The following AHNAK2 variants were observed in gnomAD, a reference collection of about 807,000 sequenced individuals.
AHNAK2 encodes protein AHNAK2.
In AHNAK2, 18 loss-of-function variants were observed where a neutral mutation model predicts 30.7. The ratio of observed to expected loss-of-function variants is 0.59; its 90% CI spans 0.41 to 0.87. The LOEUF is 0.87. Ranked by LOEUF, AHNAK2 falls within the 40% of genes least tolerant of loss-of-function variation. AHNAK2 has a pLI of 0.00. For synonymous variants in AHNAK2, 3,590 were observed against 3,073.8 expected (o/e 1.17, Z -5.56); for missense variants, 8,604 against 7,373.0 (o/e 1.17, Z -6.11).
Position 104,947,759 on chromosome 14 carries a change from C to T in AHNAK2, c.7692G>A (p.Gly2564=), listed in dbSNP as rs565574749. 5.8e-5 allele frequency: 94 copies of T among 1,612,656 alleles called. No individual in the cohort carries two copies. The African/African-American group carries it at 6.7e-4, about 12-fold the overall frequency. Residue 2564 remains glycine, a synonymous_variant, in exon 7 of 7, where the codon GGG becomes GGA. Coordinates refer to ENST00000333244, the MANE Select transcript of AHNAK2 (RefSeq NM_138420.4). ...GPVPEGAGLK[G]HLPKVQMPSF... is the part of the protein sequence containing the mutation. Reference sequence around the variant, plus strand: ...TGGGCATCTGCACCTTGGGCAGGTGCCCTTTGAGGCCGGCTCCCTCCGGCA... The same window carrying T: ...TGGGCATCTGCACCTTGGGCAGGTGTCCTTTGAGGCCGGCTCCCTCCGGCA...
In AHNAK2 at chr14:104,937,985, G is replaced by T. The variant is rs1897855734; in HGVS notation, c.*78C>A. On this transcript the variant is annotated 3_prime_UTR_variant, in exon 7 of 7. Transcript: ENST00000333244. ...GTGGATGTAATGTGCTGTGGGATGG[G>T]GTGCTCCATATGTGTGTGTAGCCTT... 3 of 1,447,034 alleles carry T rather than the reference G, an allele frequency of 2.1e-6. No individual in the cohort carries two copies. Among genetic ancestry groups the T allele is most frequent in the Non-Finnish European group, 2.8e-6 (3 of 1,063,208 alleles). The allele number at this position is 1,447,034 out of a possible 1,614,324, so 89.6% of individuals were successfully genotyped here. A position where few individuals can be genotyped will look rare whatever the true frequency, so the allele number is the denominator to read the frequency against.
rs2819426 is a variant in AHNAK2 at position 104,945,922 on chromosome 14, G to C, written c.9529C>G (p.Leu3177Val). Residue 3177 changes from leucine (L) to valine (V), a missense_variant, in exon 7 of 7, where the codon CTG becomes GTG. Leu to Val is a conservative substitution (Grantham distance 32, BLOSUM62 1). Coordinates refer to ENST00000333244, the MANE Select transcript of AHNAK2 (RefSeq NM_138420.4). ...TCCCCCTGCATGGAGGGGAGGCTCA[G>C]GTCGGCCTCCACCTTTGGCGCAGAC... ...DVSAPKVEAD[L>V]SLPSMQGDLK... 0.15 allele frequency: 190,956 copies of C among 1,243,774 alleles called. 65,068 individuals carry two copies. Among genetic ancestry groups the C allele is most frequent in the African/African-American group, 0.63 (43,902 of 69,546 alleles). The allele number at this position is 1,243,774 out of a possible 1,614,324, so 77.0% of individuals were successfully genotyped here.
At position 104,978,191 on chromosome 14, in the gene AHNAK2, G is replaced by A; in HGVS notation, c.47C>T (p.Pro16Leu). 2 of 1,215,380 alleles carry A rather than the reference G, an allele frequency of 1.6e-6. No individual in the cohort carries two copies. The highest frequency in any genetic ancestry group is 2.0e-6 in the Non-Finnish European group (2 of 976,672). The allele number at this position is 1,215,380 out of a possible 1,614,324, so 75.3% of individuals were successfully genotyped here. The change falls in exon 1 of 7, where the codon CCC becomes CTC. Residue 16 changes from proline (P) to leucine (L), a missense_variant. By Grantham distance (98) the Pro-to-Leu change is moderately conservative. Transcript: ENST00000333244. ...HMVLPTWPGT[P>L]GSVSGRQLQP... ...GGCGGGGAGGGGCGCACCGCTGCCG[G>A]GGGTTCCGGGCCAGGTGGGCAGCAC... is the stretch of plus-strand genomic sequence containing the variant.
intron 1 of AHNAK2, among the ~76,000 whole-genome samples, chr14:104,967,018 G>A (rs879321982): frequency 1.3e-5 from 2 of 152,196 alleles, no homozygotes; most frequent in Admixed American, 6.5e-5. Context: ...AGGGCTGGGG[G>A]CAGAGGAGGG....
At chr14:104,955,205 C>T in intron 5 of AHNAK2, 64 bp from the exon 6 acceptor site, 1 of 1,530,770 alleles carries the variant, frequency 6.5e-7, no homozygotes, top group East Asian at 2.3e-5. Context: ...GCTGTCTTGC[C>T]TTGGCTGGCG....
At position 104,953,773 on chromosome 14, in the gene AHNAK2, G is replaced by T; in HGVS notation, c.1678C>A (p.Leu560Ile). ...QGDEGDGEEG[L>I]QRTRITEEQD... ...TCCTCAGTGATCCTTGTCCTCTGTA[G>T]TCCTTCCTCTCCATCTCCTTCATCC... is the stretch of plus-strand genomic sequence containing the variant. The change falls in exon 7 of 7, where the codon CTA becomes ATA. Residue 560 changes from leucine (L) to isoleucine (I), a missense_variant. Physicochemically the swap from Leu to Ile is conservative, Grantham distance 5. Transcript: ENST00000333244. 1 of 1,613,830 alleles carries T rather than the reference G, an allele frequency of 6.2e-7. No homozygotes were observed. The highest frequency in any genetic ancestry group is 1.1e-5 in the South Asian group (1 of 91,064).
At position 104,947,567 on chromosome 14, in the gene AHNAK2, C is replaced by A. The variant is rs183423977; in HGVS notation, c.7884G>T (p.Ala2628=). The change falls in exon 7 of 7, where the codon GCG becomes GCT. Residue 2628 remains alanine, a synonymous_variant. Transcript: ENST00000333244. ...VQAPRAKLDG[A]RLEGDLSLAD... ...CCAGGGACAGGTCCCCCTCCAGCCG[C>A]GCACCATCCAGCTTTGCTCTCGGGG... 1.5e-5 allele frequency: 24 copies of A among 1,612,872 alleles called. No homozygotes were observed. The highest frequency in any genetic ancestry group is 1.7e-4 in the Middle Eastern group (1 of 6,054).
chr14:104,955,691 C>G, intron 4 of AHNAK2, 58 bp from the exon 5 acceptor site: 2 of 1,581,556 alleles, frequency 1.3e-6, no homozygotes, highest in South Asian at 2.3e-5. Context: ...CCATAAGCAT[C>G]CCTGCTGGGG....
intron 1 of AHNAK2, among the ~76,000 whole-genome samples, chr14:104,961,443 G>A (rs185730426): frequency 0.099 from 15,057 of 151,466 alleles, 1,022 homozygotes; most frequent in Non-Finnish European, 0.15. Flanking sequence ...GAACCCCGGG[G>A]GGCGGAGCCT....
chr14:104,952,423 C>T lies in AHNAK2; in HGVS notation c.3028G>A (p.Val1010Ile), dbSNP rs1898786102. Residue 1010 changes from valine to isoleucine, a missense_variant, in exon 7 of 7, where the codon GTA (valine) becomes ATA (isoleucine). Transcript: ENST00000333244. ...TTGATGGACTTCCCTGGGGCCGATACCCCGAACGACGGCATCTTGAACTTG... is the reference window on the plus strand; with the variant it reads ...TTGATGGACTTCCCTGGGGCCGATATCCCGAACGACGGCATCTTGAACTTG... ...MPKFKMPSFG[V>I]SAPGKSIKAL... 6.2e-7 allele frequency: 1 copy of T among 1,612,732 alleles called. No homozygotes were observed. The highest frequency in any genetic ancestry group is 1.3e-5 in the African/African-American group (1 of 74,410).
At position 104,938,465 on chromosome 14, in the gene AHNAK2, A is replaced by G. The variant is rs773263664; in HGVS notation, c.16986T>C (p.Gly5662=). The change falls in exon 7 of 7, where the codon GGT becomes GGC. Residue 5662 remains glycine (G), a synonymous_variant. Transcript: ENST00000333244. ...IGFSSSVDET[G]VDSKNDVQRS... ...TCTGGACGTCATTTTTGGAATCAAC[A>G]CCTGTCTCATCAACAGAAGAGGAAA... The G allele has an allele frequency of 1.2e-6, 2 of 1,613,768 alleles. No homozygotes were observed. Among genetic ancestry groups the G allele is most frequent in the African/African-American group, 1.3e-5 (1 of 74,992 alleles).
rs201806970 is a variant in AHNAK2, at chr14:104,944,810, G to A, written c.10641C>T (p.Pro3547=). 4.1e-4 allele frequency: 668 copies of A among 1,612,762 alleles called. 7 individuals are homozygous for A. The African/African-American group carries it at 7.1e-3, about 17-fold the overall frequency. The change falls in exon 7 of 7, where the codon CCC becomes CCT. Residue 3547 remains proline (P), a synonymous_variant. Transcript: ENST00000333244. Reference sequence around the variant, plus strand: ...GGTGCCCTTTGAGGCCGGCTCCCTCGGGCACGGGGCCCTCCAGGAGTTCCA... The same window carrying A: ...GGTGCCCTTTGAGGCCGGCTCCCTCAGGCACGGGGCCCTCCAGGAGTTCCA... The part of the protein sequence containing the change: ...VDVELLEGPV[P]EGAGLKGHLP...
Position 104,943,800 on chromosome 14 carries a change from C to A in AHNAK2, c.11651G>T (p.Gly3884Val). The A allele has an allele frequency of 1.2e-6, 2 of 1,611,872 alleles. No homozygotes were observed. Among genetic ancestry groups the A allele is most frequent in the East Asian group, 4.5e-5 (2 of 44,640 alleles). Reference protein sequence around the residue: ...GHVPEEAGLKGHLPKVQMPSF... With the variant: ...GHVPEEAGLKVHLPKVQMPSF... Reference sequence around the variant, plus strand: ...GGGCATCTGCACCTTGGGCAGGTGTCCTTTGAGGCCGGCTTCCTCGGGCAC... The same window carrying A: ...GGGCATCTGCACCTTGGGCAGGTGTACTTTGAGGCCGGCTTCCTCGGGCAC... The change falls in exon 7 of 7, where the codon GGA becomes GTA. Residue 3884 changes from glycine (G) to valine (V), a missense_variant. Coordinates refer to ENST00000333244, the MANE Select transcript of AHNAK2 (RefSeq NM_138420.4).
chr14:104,966,480 T>A lies in AHNAK2; in HGVS notation c.56-8808A>T, dbSNP rs1899305167. ...TCCTGGCCACCTGGGCCCATCTCACTCACCTTTGCATTCAGACACTGCCCC... is the reference window on the plus strand; with the variant it reads ...TCCTGGCCACCTGGGCCCATCTCACACACCTTTGCATTCAGACACTGCCCC... On this transcript the variant is annotated intron_variant, in intron 1 of 6. Transcript: ENST00000333244. This position sits in a 1 kb window ranked among gnomAD's most constrained non-coding sequence, Gnocchi z 4.3. Among the ~76,000 whole-genome samples, 1 of 151,924 alleles carries A rather than the reference T, an allele frequency of 6.6e-6. No homozygotes were observed. The highest frequency in any genetic ancestry group is 2.1e-4 in the South Asian group (1 of 4,802).
chr14:104,975,767 C>T (rs889227532), intron 1 of AHNAK2, among the ~76,000 whole-genome samples: 13 of 152,182 alleles, frequency 8.5e-5, no homozygotes, highest in Admixed American at 1.3e-4. Flanking sequence ...GACCCGCCCG[C>T]GCTGTCACTC....
intron 1 of AHNAK2, among the ~76,000 whole-genome samples, chr14:104,967,831 C>A (rs1001260821): frequency 2.0e-5 from 3 of 152,160 alleles, no homozygotes; most frequent in African/African-American, 4.8e-5. Flanking sequence ...CCGCGCCAGT[C>A]GGGAGAGAGA....
Position 104,947,444 on chromosome 14 carries a change from C to T in AHNAK2, c.8007G>A (p.Ala2669=), listed in dbSNP as rs148748842. ...CCTTCAGCTCAGACACATCCACCAA[C>T]GCCTCGATGGACTCGCCTGGGGCCG... is the stretch of plus-strand genomic sequence containing the variant. ...RVSAPGESIE[A]LVDVSELKVE... The change falls in exon 7 of 7, where the codon GCG becomes GCA. Residue 2669 remains alanine, a synonymous_variant. Transcript: ENST00000333244. 0.011 allele frequency: 17,061 copies of T among 1,609,576 alleles called. 131 individuals carry two copies. The highest frequency in any genetic ancestry group is 0.013 in the Non-Finnish European group (14,747 of 1,178,754).
Position 104,939,321 on chromosome 14 carries a change from C to A in AHNAK2, c.16130G>T (p.Trp5377Leu). ...QISVVNVDQL[W>L]EDSVLTVKFP... ...TTTGACAGTTAGGACAGAATCTTCC[C>A]ACAGTTGATCCACATTAACCACAGA... Residue 5377 changes from tryptophan (W) to leucine (L), a missense_variant, in exon 7 of 7, where the codon TGG becomes TTG. Physicochemically the swap from Trp to Leu is moderately conservative, Grantham distance 61. Coordinates refer to ENST00000333244, the MANE Select transcript of AHNAK2 (RefSeq NM_138420.4). The A allele has an allele frequency of 6.2e-7, 1 of 1,613,742 alleles. No individual in the cohort carries two copies. Among genetic ancestry groups the A allele is most frequent in the Non-Finnish European group, 8.5e-7 (1 of 1,179,838 alleles).
In AHNAK2 at chr14:104,947,804, C is replaced by A; in HGVS notation, c.7647G>T (p.Val2549=). 1 of 1,612,600 alleles carries A rather than the reference C, an allele frequency of 6.2e-7. No homozygotes were observed. The highest frequency in any genetic ancestry group is 8.5e-7 in the Non-Finnish European group (1 of 1,179,566). The change falls in exon 7 of 7, where the codon GTG becomes GTT. Residue 2549 remains valine (V), a synonymous_variant. Coordinates refer to ENST00000333244, the MANE Select transcript of AHNAK2 (RefSeq NM_138420.4). ...DLEVQAGQVD[V]KLPEGPVPEG... ...CCGGCACAGGGCCCTCTGGGAGTTTCACGTCCACTTGGCCAGCCTGGACCT... is the reference window on the plus strand; with the variant it reads ...CCGGCACAGGGCCCTCTGGGAGTTTAACGTCCACTTGGCCAGCCTGGACCT...
Sources: gnomAD v4.1 joint callset for allele counts (sites outside exome capture counted in the v4.1 genomes callset) on GRCh38, gnomAD v4.1.1 for gene constraint, Gnocchi (gnomAD v3.1) non-coding constraint, MANE v1.5 for transcripts, NCBI Gene and HGNC (gene_info 2026-07-23, HGNC 2026-07-21) for gene names.